Variants in ANKRD33B observed in about 807,000 individuals in gnomAD.
The protein encoded by ANKRD33B is ankyrin repeat domain 33B, also known as ankyrin repeat domain-containing protein 33B.
Under a neutral mutation model 21.5 loss-of-function variants are expected in ANKRD33B, and 6 were observed. The observed-to-expected ratio is 0.28, with a 90% CI of 0.15 to 0.55. The LOEUF is 0.55. Among genes scored for constraint, ANKRD33B ranks in the 20% least tolerant of loss-of-function variants. The pLI, the probability that ANKRD33B is intolerant of heterozygous loss-of-function variation, is 0.94. For synonymous variants in ANKRD33B, 347 were observed against 342.4 expected (o/e 1.01, Z -0.15); for missense variants, 698 against 747.2 (o/e 0.93, Z 0.77).
chr5:10,602,443 A>G (rs146149269), intron 1 of ANKRD33B, among the ~76,000 whole-genome samples: 1 of 152,380 alleles, frequency 6.6e-6, no homozygotes, highest in African/African-American at 2.4e-5. Context: ...TTAATTCTGC[A>G]TCCATTGGTT....
chr5:10,646,085 C>G (rs75951619), intron 3 of ANKRD33B, among the ~76,000 whole-genome samples: 2 of 152,264 alleles, frequency 1.3e-5, no homozygotes, highest in East Asian at 1.9e-4. Flanking sequence ...TTAGACTGAT[C>G]GTGATGCATT....
rs1013968260 is a variant in ANKRD33B at position 10,581,510 on chromosome 5, G to A, written c.366+16677G>A. ...CACTGCTCATTTTTGGTCTCCCCTG[G>A]ATGGTCTGGTTTCCCTTCCTTTGTT... On this transcript the variant is annotated intron_variant, in intron 1 of 3. Coordinates refer to ENST00000296657, the MANE Select transcript of ANKRD33B (RefSeq NM_001164440.2). 5.9e-5 allele frequency among the ~76,000 whole-genome samples: 9 copies of A among 152,282 alleles called. 1 individual carries two copies. The South Asian group carries it at 1.9e-3, about 32-fold the overall frequency.
intron 2 of ANKRD33B, among the ~76,000 whole-genome samples, chr5:10,632,974 G>A (rs2126595088): frequency 6.6e-6 from 1 of 151,982 alleles, no homozygotes; most frequent in South Asian, 2.1e-4. Flanking sequence ...TTTTAGTAGA[G>A]ATGGGGTTTC....
intron 1 of ANKRD33B, among the ~76,000 whole-genome samples, chr5:10,606,965 A>T (rs573177466): frequency 1.3e-5 from 2 of 152,064 alleles, no homozygotes; most frequent in South Asian, 4.2e-4. Context: ...TCCTGACCTC[A>T]AGTGATCCAC....
intron 3 of ANKRD33B, among the ~76,000 whole-genome samples, chr5:10,638,697 ACG>A (rs1736935570): frequency 6.6e-6 from 1 of 151,856 alleles, no homozygotes; most frequent in Non-Finnish European, 1.5e-5. Context: ...TTGCATGGTG[ACG>A]TTAGGAGGTG....
At chr5:10,579,984 C>T (rs1735408614) in intron 1 of ANKRD33B, among the ~76,000 whole-genome samples, 1 of 152,110 alleles carries the variant, frequency 6.6e-6, no homozygotes, top group African/African-American at 2.4e-5. Flanking sequence ...ACCCTCTATT[C>T]CCCACCCCCT....
At chr5:10,628,190 G>GT (rs1224398488) in intron 2 of ANKRD33B, 5 of 152,086 alleles carry the variant, frequency 3.3e-5, no homozygotes, top group African/African-American at 7.3e-5. Flanking sequence ...TTTATTGCCT[G>GT]TTTTTTTTAG....
intron 1 of ANKRD33B, among the ~76,000 whole-genome samples, chr5:10,596,974 A>G (rs1408150234): frequency 2.0e-5 from 3 of 152,168 alleles, no homozygotes; most frequent in Non-Finnish European, 4.4e-5. Flanking sequence ...GAGAAATAAG[A>G]TCCTTTTCAG....
intron 1 of ANKRD33B, among the ~76,000 whole-genome samples, chr5:10,606,749 G>A (rs756010267): frequency 5.5e-4 from 81 of 146,258 alleles, no homozygotes; most frequent in Non-Finnish European, 9.9e-4. Context: ...TTTTTTTTGA[G>A]GTGGAGTCTT....
At chr5:10,642,294 T>C (rs2126605268) in intron 3 of ANKRD33B, among the ~76,000 whole-genome samples, 1 of 152,320 alleles carries the variant, frequency 6.6e-6, no homozygotes, top group South Asian at 2.1e-4. Flanking sequence ...GACATTGCTC[T>C]TCCCCCATCA....
In ANKRD33B at chr5:10,649,621, C is replaced by T; in HGVS notation, c.993C>T (p.Ser331=). The T allele has an allele frequency of 1.3e-6, 2 of 1,531,118 alleles. No homozygotes were observed. Among genetic ancestry groups the T allele is most frequent in the Non-Finnish European group, 8.7e-7 (1 of 1,144,768 alleles). 94.8% of individuals were successfully genotyped at this position (1,531,118 alleles called of 1,614,324 possible). Residue 331 remains serine, a synonymous_variant, in exon 4 of 4, where the codon AGC becomes AGT. Coordinates refer to ENST00000296657, the MANE Select transcript of ANKRD33B (RefSeq NM_001164440.2). ...TGTGCCAGACCGTGTGCCCTGAGAG[C>T]CCTCCGAGCGTGGGGAAGAGGCGGC... The part of the protein sequence containing the change: ...AIVCQTVCPE[S]PPSVGKRRLA...
chr5:10,615,218 A>G (rs1314150902), intron 1 of ANKRD33B, among the ~76,000 whole-genome samples: 1 of 152,206 alleles, frequency 6.6e-6, no homozygotes. Context: ...AGGGTTGGCA[A>G]AGGCAGATGC....
At chr5:10,598,120 C>T (rs1179345384) in intron 1 of ANKRD33B, among the ~76,000 whole-genome samples, 1 of 152,182 alleles carries the variant, frequency 6.6e-6, no homozygotes, top group Non-Finnish European at 1.5e-5. Flanking sequence ...TTGCCTTCTC[C>T]TCTCAGTACC....
rs1254055795 is a variant in ANKRD33B, at chr5:10,564,483, G to A, written c.16G>A (p.Gly6Arg). The A allele has an allele frequency of 4.7e-6, 7 of 1,481,984 alleles. No individual in the cohort carries two copies. In the East Asian group the frequency reaches 1.3e-4, roughly 27 times the overall value. The allele number at this position is 1,481,984 out of a possible 1,614,324, so 91.8% of individuals were successfully genotyped here. ...GGCCGCCGGCATGGTGCTGCTGGCCGGGACCGGGCCGGAGGGCGGCGGGGC... is the reference window on the plus strand; with the variant it reads ...GGCCGCCGGCATGGTGCTGCTGGCCAGGACCGGGCCGGAGGGCGGCGGGGC... MVLLAGTGPEGGGARC... is the reference protein window; with the variant it reads MVLLARTGPEGGGARC... Residue 6 changes from glycine to arginine, a missense_variant, in exon 1 of 4, where the codon GGG becomes AGG. Gly to Arg is a moderately radical substitution (Grantham distance 125). This residue lies in a region of ANKRD33B where 148 missense variants were observed against 154.9 expected (regional missense o/e 0.96). Transcript: ENST00000296657.
At chr5:10,577,489 TG>T (rs1735349810) in intron 1 of ANKRD33B, among the ~76,000 whole-genome samples, 1 of 152,194 alleles carries the variant, frequency 6.6e-6, no homozygotes, top group Admixed American at 6.5e-5. Flanking sequence ...TCCTGGGTCT[TG>T]CAGGGACTGA....
chr5:10,645,968 G>A (rs1737178661), intron 3 of ANKRD33B, among the ~76,000 whole-genome samples: 1 of 152,326 alleles, frequency 6.6e-6, no homozygotes, highest in East Asian at 1.9e-4. Context: ...CTAGAAGAAG[G>A]TAGAGATCAG....
chr5:10,624,665 G>A, intron 2 of ANKRD33B: 1 of 443,038 alleles, frequency 2.3e-6, no homozygotes, highest in South Asian at 1.6e-5. Flanking sequence ...TTCCTTGTGT[G>A]TGTCTTAATT....
intron 2 of ANKRD33B, among the ~76,000 whole-genome samples, chr5:10,622,505 A>G (rs1350145849): frequency 2.0e-5 from 3 of 152,222 alleles, no homozygotes; most frequent in Admixed American, 6.5e-5. Flanking sequence ...AACTTTATGC[A>G]GTCTCTCCAG....
chr5:10,592,624 C>A (rs372733483), intron 1 of ANKRD33B, among the ~76,000 whole-genome samples: 78 of 134,942 alleles, frequency 5.8e-4, no homozygotes, highest in Admixed American at 8.2e-4. Flanking sequence ...GAGACTCTGT[C>A]AAAAAAAAAA....
Sources: gnomAD v4.1 joint callset for allele counts (sites outside exome capture counted in the v4.1 genomes callset) on GRCh38, gnomAD v4.1.1 for gene constraint, gnomAD v4.1.1 regional missense constraint, MANE v1.5 for transcripts, NCBI Gene and HGNC (gene_info 2026-07-23, HGNC 2026-07-21) for gene names.